ANO6: variants seen among roughly 807,000 people sequenced by gnomAD.
ANO6 encodes anoctamin-6.
Under a neutral mutation model 117.5 loss-of-function variants are expected in ANO6, and 106 were observed. The observed-to-expected ratio is 0.90, with a 90% confidence interval of 0.77 to 1.06. ANO6 has a LOEUF of 1.06. Among genes scored for constraint, ANO6 ranks in the 50% least tolerant of loss-of-function variants. ANO6 has a pLI of 0.00. For synonymous variants in ANO6, 367 were observed against 385.1 expected (o/e 0.95, Z 0.55); for missense variants, 955 against 1,121.1 (o/e 0.85, Z 2.12).
At chr12:45,265,726 T>C (rs1005305706) in intron 1 of ANO6, among the ~76,000 whole-genome samples, 3 of 152,152 alleles carry the variant, frequency 2.0e-5, no homozygotes, top group Admixed American at 1.3e-4. Context: ...CAGAAACACC[T>C]TCGTAGACTC....
chr12:45,367,713 G>A lies in ANO6; in HGVS notation c.1024G>A (p.Gly342Ser). Reference sequence around the variant, plus strand: ...CAAAGAAGTTTGTCATCCTGATATTGGTGGCAAGATCATAATGTGTCCTCA... The same window carrying A: ...CAAAGAAGTTTGTCATCCTGATATTAGTGGCAAGATCATAATGTGTCCTCA... ...WSKEVCHPDI[G>S]GKIIMCPQCD... Residue 342 changes from glycine to serine, a missense_variant, in exon 9 of 20, where the codon GGT becomes AGT. Gly to Ser is a moderately conservative substitution (Grantham distance 56, BLOSUM62 0). Coordinates refer to ENST00000320560, the MANE Select transcript of ANO6 (RefSeq NM_001025356.3). 1 of 1,613,054 alleles carries A rather than the reference G, an allele frequency of 6.2e-7. No individual in the cohort carries two copies. The highest frequency in any genetic ancestry group is 8.5e-7 in the Non-Finnish European group (1 of 1,179,674).
downstream of ANO6, among the ~76,000 whole-genome samples, chr12:45,435,011 G>C (rs76494239): frequency 7.1e-3 from 1,075 of 152,262 alleles, 13 homozygotes; most frequent in African/African-American, 0.023. Flanking sequence ...TGAAAGCCTA[G>C]AACAGAACTT....
At chr12:45,324,956 T>G (rs1007555396) in intron 2 of ANO6, among the ~76,000 whole-genome samples, 2 of 152,270 alleles carry the variant, frequency 1.3e-5, no homozygotes, top group African/African-American at 4.8e-5. Context: ...CAGCTATCGA[T>G]TTGGTGACTG....
chr12:45,433,298 C>A (rs1357958307), downstream of ANO6, among the ~76,000 whole-genome samples: 3 of 152,216 alleles, frequency 2.0e-5, no homozygotes, highest in South Asian at 6.2e-4. Context: ...TTTGCTATAG[C>A]ATGCTCTGAA....
intron 8 of ANO6, 145 bp from the exon 9 acceptor site, chr12:45,367,543 T>G (rs1941717159): frequency 3.1e-6 from 2 of 640,210 alleles, no homozygotes; most frequent in African/African-American, 3.7e-5. Context: ...GAATTTTATG[T>G]AACAAAGTTT....
At chr12:45,406,557 C>T (rs957793939) in intron 15 of ANO6, among the ~76,000 whole-genome samples, 12 of 151,760 alleles carry the variant, frequency 7.9e-5, no homozygotes, top group South Asian at 6.2e-4. Context: ...GTAACATAAA[C>T]GCCTCTTCTT....
chr12:45,404,291 T>C (rs528849320), intron 15 of ANO6, among the ~76,000 whole-genome samples: 2 of 152,360 alleles, frequency 1.3e-5, no homozygotes, highest in African/African-American at 2.4e-5. Flanking sequence ...TAAGATTTCA[T>C]TGCCCTTTAC....
intron 1 of ANO6, among the ~76,000 whole-genome samples, chr12:45,218,068 A>G (rs1217034171): frequency 6.6e-6 from 1 of 152,140 alleles, no homozygotes; most frequent in Non-Finnish European, 1.5e-5. Flanking sequence ...TTTTATTTTT[A>G]ATGACATGTC....
At chr12:45,271,198 A>C (rs1408728690) in intron 1 of ANO6, among the ~76,000 whole-genome samples, 1 of 152,214 alleles carries the variant, frequency 6.6e-6, no homozygotes, top group Non-Finnish European at 1.5e-5. Flanking sequence ...ATGTTACTCA[A>C]GCTATGTACA....
chr12:45,433,288 T>G (rs1943669181), downstream of ANO6, among the ~76,000 whole-genome samples: 1 of 152,228 alleles, frequency 6.6e-6, no homozygotes, highest in South Asian at 2.1e-4. Flanking sequence ...GCTGACTCCC[T>G]TTGCTATAGC....
chr12:45,316,768 CAT>C (rs1565684282), intron 2 of ANO6, among the ~76,000 whole-genome samples: 2 of 151,150 alleles, frequency 1.3e-5, no homozygotes, highest in Admixed American at 1.3e-4. Flanking sequence ...AAATATATGA[CAT>C]ATATATGTAT....
intron 8 of ANO6, among the ~76,000 whole-genome samples, chr12:45,365,506 A>T (rs1162272129): frequency 6.6e-6 from 1 of 152,176 alleles, no homozygotes; most frequent in East Asian, 1.9e-4. Flanking sequence ...ATGAGCTCTG[A>T]GTATGAGGTT....
intron 1 of ANO6, among the ~76,000 whole-genome samples, chr12:45,288,458 A>G (rs756137134): frequency 3.2e-4 from 49 of 152,174 alleles, no homozygotes; most frequent in Non-Finnish European, 6.0e-4. Context: ...GAATATGACT[A>G]TTCTAAGTAC....
chr12:45,282,669 C>G (rs935066510), intron 1 of ANO6, among the ~76,000 whole-genome samples: 2 of 152,120 alleles, frequency 1.3e-5, no homozygotes, highest in Admixed American at 6.5e-5. Context: ...GTAGTAAGGA[C>G]TATGTTATAA....
intron 1 of ANO6, among the ~76,000 whole-genome samples, chr12:45,225,758 G>A (rs1431210757): frequency 1.3e-5 from 2 of 152,128 alleles, no homozygotes; most frequent in African/African-American, 2.4e-5. Flanking sequence ...CAAAGTGCTG[G>A]GATTACAGGC....
At chr12:45,322,785 T>C (rs1565689603) in intron 2 of ANO6, among the ~76,000 whole-genome samples, 1 of 152,164 alleles carries the variant, frequency 6.6e-6, no homozygotes, top group Non-Finnish European at 1.5e-5. Context: ...ATATTTTATA[T>C]TGCATAACCC....
chr12:45,380,441 G>C (rs12319642), intron 10 of ANO6, among the ~76,000 whole-genome samples: 1 of 152,194 alleles, frequency 6.6e-6, no homozygotes, highest in Non-Finnish European at 1.5e-5. Flanking sequence ...GGGGAACCAG[G>C]AAGCCTAACT....
At chr12:45,323,220 C>T (rs1426430690) in intron 2 of ANO6, among the ~76,000 whole-genome samples, 1 of 152,178 alleles carries the variant, frequency 6.6e-6, no homozygotes, top group Non-Finnish European at 1.5e-5. Context: ...TCACACTTTA[C>T]TCAGAATCTG....
intron 1 of ANO6, among the ~76,000 whole-genome samples, chr12:45,240,264 T>G (rs1299233545): frequency 2.0e-5 from 3 of 151,822 alleles, no homozygotes; most frequent in Non-Finnish European, 4.4e-5. Flanking sequence ...ATTGATCCCT[T>G]TACCATTATG....
Sources: allele counts gnomAD v4.1 joint callset (sites outside exome capture counted in the v4.1 genomes callset), GRCh38; gene constraint gnomAD v4.1.1; transcripts MANE v1.5; gene names NCBI Gene and HGNC (gene_info 2026-07-23, HGNC 2026-07-21).